Variants in PHTF2 observed in about 807,000 individuals in gnomAD.
The protein encoded by PHTF2 is protein PHTF2.
A neutral mutation model predicts 101.2 loss-of-function variants in PHTF2; 60 were observed. That is an observed-to-expected ratio of 0.59 (90% confidence interval 0.48 to 0.73). PHTF2 has a LOEUF of 0.73. Among genes scored for constraint, PHTF2 ranks in the 30% least tolerant of loss-of-function variants. The probability of loss-of-function intolerance (pLI) is 0.00; values close to 1 mark genes in which losing one functional copy is unlikely to be tolerated. For missense variants in PHTF2, 747 were observed against 908.7 expected, an observed-to-expected ratio of 0.82 and a Z score of 2.29; for synonymous variants, 311 against 307.3, an observed-to-expected ratio of 1.01 and a Z score of -0.13.
rs58290945 is a variant in PHTF2, at chr7:77,925,495, G to GTTT, written c.1119+2746_1119+2748dup. Among the ~76,000 whole-genome samples the GTTT allele has an allele frequency of 3.7e-3, 270 of 73,168 alleles. 12 individuals are homozygous for GTTT. Among genetic ancestry groups the GTTT allele is most frequent in the African/African-American group, 8.0e-3 (139 of 17,288 alleles). 48.0% of individuals were successfully genotyped at this position (73,168 alleles called of 152,430 possible). A position where few individuals can be genotyped will look rare whatever the true frequency, so the allele number is the denominator to read the frequency against. On this transcript the variant is annotated intron_variant, in intron 11 of 19. Coordinates refer to ENST00000416283, the Ensembl canonical transcript of PHTF2. ...GCAATTATAGGCAATAGTTTTTAGG[G>GTTT]TTTTTTTTTTTTTTTTTTTTTTTTT...
At chr7:77,921,928 A>G (rs984334559) in intron 10 of PHTF2, among the ~76,000 whole-genome samples, 2 of 149,454 alleles carry the variant, frequency 1.3e-5, no homozygotes, top group African/African-American at 2.5e-5. Context: ...CTTACAATTG[A>G]TGGCTTTTTC....
At chr7:77,892,060 G>A (rs560836748) in intron 3 of PHTF2, among the ~76,000 whole-genome samples, 4 of 152,282 alleles carry the variant, frequency 2.6e-5, no homozygotes, top group South Asian at 2.1e-4. Flanking sequence ...GGTGGATCAC[G>A]AGGTCAGGAG....
intron 16 of PHTF2, among the ~76,000 whole-genome samples, chr7:77,946,890 G>T (rs1036159268): frequency 6.6e-6 from 1 of 151,908 alleles, no homozygotes; most frequent in Admixed American, 6.6e-5. Flanking sequence ...GGAAGGCCAA[G>T]GTGGATGGAT....
intron 3 of PHTF2, among the ~76,000 whole-genome samples, chr7:77,855,640 G>A (rs1344411876): frequency 3.9e-5 from 6 of 152,148 alleles, no homozygotes; most frequent in East Asian, 1.9e-4. Context: ...AGGGCTAGCC[G>A]GAACGCAGTT....
intron 12 of PHTF2, among the ~76,000 whole-genome samples, chr7:77,933,556 A>C (rs1804803831): frequency 6.6e-6 from 1 of 152,120 alleles, no homozygotes; most frequent in Non-Finnish European, 1.5e-5. Flanking sequence ...AGAAATGAAA[A>C]AGTGAACAAT....
At chr7:77,864,850 A>G (rs1797926584) in intron 3 of PHTF2, among the ~76,000 whole-genome samples, 1 of 151,950 alleles carries the variant, frequency 6.6e-6, no homozygotes, top group African/African-American at 2.4e-5. Flanking sequence ...GCATCCTCCA[A>G]AGGTCACCAC....
chr7:77,942,797 T>C lies in PHTF2; in HGVS notation c.1959+11T>C, dbSNP rs1486120021. The C allele has an allele frequency of 2.9e-6, 4 of 1,385,438 alleles. No individual in the cohort carries two copies. The highest frequency in any genetic ancestry group is 4.0e-6 in the Non-Finnish European group (4 of 994,310). 85.8% of individuals were successfully genotyped at this position (1,385,438 alleles called of 1,614,324 possible). ...ATCTGTTGTGCCCAGGTGAGTTAAC[T>C]CGCTCCATGTAGAAATTAACCAGAT... On this transcript the variant is annotated intron_variant, in intron 16 of 19. Transcript: ENST00000416283.
chr7:77,832,464 A>G (rs10155804), intron 1 of PHTF2, among the ~76,000 whole-genome samples: 3,980 of 152,298 alleles, frequency 0.026, 177 homozygotes, highest in African/African-American at 0.09. Context: ...AAGAGGATCA[A>G]CTGCTTAAGG....
At chr7:77,799,312 T>G (rs1307908187) in intron 1 of PHTF2, among the ~76,000 whole-genome samples, 3 of 152,184 alleles carry the variant, frequency 2.0e-5, no homozygotes, top group Non-Finnish European at 4.4e-5. Context: ...CCCTGTCCTT[T>G]GCTTCCTTCC....
chr7:77,805,973 G>C (rs968446152), intron 1 of PHTF2, among the ~76,000 whole-genome samples: 1 of 152,086 alleles, frequency 6.6e-6, no homozygotes, highest in African/African-American at 2.4e-5. Context: ...TCAGGAGTTC[G>C]AGACCAGCCT....
chr7:77,854,242 G>A (rs1253557525), intron 2 of PHTF2, among the ~76,000 whole-genome samples: 1 of 152,174 alleles, frequency 6.6e-6, no homozygotes, highest in East Asian at 1.9e-4. Context: ...TAAGAACTGG[G>A]AAGACTCCCT....
chr7:77,875,031 T>C (rs1798814698), intron 3 of PHTF2, among the ~76,000 whole-genome samples: 1 of 152,226 alleles, frequency 6.6e-6, no homozygotes, highest in Admixed American at 6.5e-5. Context: ...AGGTTTGTAA[T>C]ATATTTTGAA....
intron 1 of PHTF2, among the ~76,000 whole-genome samples, chr7:77,814,081 G>T (rs563615549): frequency 3.9e-5 from 6 of 152,184 alleles, no homozygotes; most frequent in Non-Finnish European, 8.8e-5. Flanking sequence ...ACACAATTCA[G>T]TCCTCATTTC....
intron 3 of PHTF2, among the ~76,000 whole-genome samples, chr7:77,861,967 G>C (rs1469857017): frequency 6.6e-6 from 1 of 151,224 alleles, no homozygotes; most frequent in African/African-American, 2.4e-5. Context: ...TGAGGCAGGA[G>C]AATCGCTTGA....
intron 3 of PHTF2, among the ~76,000 whole-genome samples, chr7:77,867,955 C>A (rs542840741): frequency 2.6e-5 from 4 of 152,214 alleles, no homozygotes; most frequent in South Asian, 2.1e-4. Context: ...TTCTAGGGGG[C>A]AAATCATGCC....
chr7:77,910,467 A>G (rs1366492706), intron 9 of PHTF2, 58 bp downstream of exon 8: 2 of 1,223,322 alleles, frequency 1.6e-6, no homozygotes, highest in South Asian at 1.4e-5. Flanking sequence ...TTTTTCTGGC[A>G]CTTCAGTCTC....
intron 1 of PHTF2, among the ~76,000 whole-genome samples, chr7:77,815,164 T>G (rs1793759216): frequency 6.6e-6 from 1 of 152,128 alleles, no homozygotes; most frequent in Non-Finnish European, 1.5e-5. Flanking sequence ...GGACCCTTGT[T>G]TATGGTATAA....
At chr7:77,904,619 C>T (rs1018973584) in intron 7 of PHTF2, among the ~76,000 whole-genome samples, 1 of 152,134 alleles carries the variant, frequency 6.6e-6, no homozygotes, top group Non-Finnish European at 1.5e-5. Flanking sequence ...TTCACAGGGC[C>T]TTTCTTGTGT....
intron 15 of PHTF2, among the ~76,000 whole-genome samples, chr7:77,942,008 T>C (rs1805674638): frequency 6.6e-6 from 1 of 152,190 alleles, no homozygotes; most frequent in Admixed American, 6.5e-5. Flanking sequence ...GTCCACTACA[T>C]TCCAACCATT....
Sources: allele counts gnomAD v4.1 joint callset (sites outside exome capture counted in the v4.1 genomes callset), GRCh38; gene constraint gnomAD v4.1.1; transcripts MANE v1.5; gene names NCBI Gene and HGNC (gene_info 2026-07-23, HGNC 2026-07-21).